Variants in SLC12A2 observed in about 807,000 individuals in gnomAD.
The protein encoded by SLC12A2 is Na-K-2Cl cotransporter 1.
In SLC12A2, 67 loss-of-function variants were observed where a neutral mutation model predicts 136.3. The ratio of observed to expected loss-of-function variants is 0.49; its 90% CI spans 0.40 to 0.60. The LOEUF is 0.60. SLC12A2 is among the 20% of genes least tolerant of loss of function. The probability of loss-of-function intolerance (pLI) is 0.00; values close to 1 mark genes in which losing one functional copy is unlikely to be tolerated. For missense variants in SLC12A2, 1,322 were observed against 1,534.7 expected (o/e 0.86, Z 2.32); for synonymous variants, 619 against 562.9 (o/e 1.10, Z -1.41).
Position 128,148,781 on chromosome 5 carries a change from G to T in SLC12A2, c.1909G>T (p.Ala637Ser), listed in dbSNP as rs776681442. 9 of 1,604,846 alleles carry T rather than the reference G, an allele frequency of 5.6e-6. No individual in the cohort carries two copies. The Admixed American group carries it at 8.6e-5, about 15-fold the overall frequency. ...TCTATGTAAGGACAACATCTACCCAGCTTTCCAGATGTTTGCTAAAGGTTA... is the reference window on the plus strand; with the variant it reads ...TCTATGTAAGGACAACATCTACCCATCTTTCCAGATGTTTGCTAAAGGTTA... ...QALCKDNIYP[A>S]FQMFAKGYGK... The change falls in exon 12 of 27, where the codon GCT (alanine) becomes TCT (serine). Residue 637 changes from alanine to serine, a missense_variant. By Grantham distance (99) the Ala-to-Ser change is moderately conservative. Coordinates refer to ENST00000262461, the MANE Select transcript of SLC12A2 (RefSeq NM_001046.3).
chr5:128,122,155 A>G (rs1010781843), intron 4 of SLC12A2, among the ~76,000 whole-genome samples: 2 of 152,240 alleles, frequency 1.3e-5, no homozygotes, highest in African/African-American at 4.8e-5. Context: ...AGTTAAAAGC[A>G]GAGGTCAGTA....
At chr5:128,136,855 T>C (rs1762207630) in intron 7 of SLC12A2, among the ~76,000 whole-genome samples, 1 of 152,154 alleles carries the variant, frequency 6.6e-6, no homozygotes, top group Non-Finnish European at 1.5e-5. Flanking sequence ...TTCCTGAATC[T>C]CTCCTTTAAA....
At position 128,147,751 on chromosome 5, in the gene SLC12A2, G is replaced by A. The variant is rs570373340; in HGVS notation, c.1881+22G>A. The A allele has an allele frequency of 6.4e-6, 9 of 1,404,148 alleles. No individual in the cohort carries two copies. The South Asian group carries it at 1.1e-4, about 17-fold the overall frequency. 87.0% of individuals were successfully genotyped at this position (1,404,148 alleles called of 1,614,324 possible). ...TCAGGTAAGTGTTTTTATATTACAG[G>A]CTTTATTAAAGGGAGAGTTAAAGTA... is the stretch of plus-strand genomic sequence containing the variant. On this transcript the variant is annotated intron_variant, in intron 11 of 26. Transcript: ENST00000262461.
chr5:128,147,865 A>T, intron 11 of SLC12A2, 136 bp downstream of exon 11: 1 of 482,912 alleles, frequency 2.1e-6, no homozygotes, highest in Non-Finnish European at 3.7e-6. Flanking sequence ...TATGCACATA[A>T]AGATATACAT....
rs1192313404 is a variant in SLC12A2, at chr5:128,083,927, C to T, written c.-28C>T. On this transcript the variant is annotated 5_prime_UTR_variant, in exon 1 of 27. Coordinates refer to ENST00000262461, the MANE Select transcript of SLC12A2 (RefSeq NM_001046.3). Reference sequence around the variant, plus strand: ...TGCTGCCGGAGACGTCCGCCGGGCTCTGCAGTTCCGCCGGGGGTCGGGCAG... The same window carrying T: ...TGCTGCCGGAGACGTCCGCCGGGCTTTGCAGTTCCGCCGGGGGTCGGGCAG... 8.2e-7 allele frequency: 1 copy of T among 1,224,338 alleles called. No homozygotes were observed. Among genetic ancestry groups the T allele is most frequent in the African/African-American group, 1.6e-5 (1 of 63,634 alleles). 75.8% of individuals were successfully genotyped at this position (1,224,338 alleles called of 1,614,324 possible). A position where few individuals can be genotyped will look rare whatever the true frequency, so the allele number is the denominator to read the frequency against.
chr5:128,089,207 C>T (rs1760217448), intron 1 of SLC12A2, among the ~76,000 whole-genome samples: 1 of 150,546 alleles, frequency 6.6e-6, no homozygotes, highest in Non-Finnish European at 1.5e-5. Context: ...CAAGAAATTG[C>T]TTAATAGCCA....
chr5:128,126,476 TC>T (rs1001106988), intron 4 of SLC12A2, among the ~76,000 whole-genome samples: 1 of 152,116 alleles, frequency 6.6e-6, no homozygotes, highest in Admixed American at 6.5e-5. Context: ...GTTTGGAAGT[TC>T]CTCAGAAAAC....
At chr5:128,125,928 A>G (rs564352835) in intron 4 of SLC12A2, among the ~76,000 whole-genome samples, 5 of 152,182 alleles carry the variant, frequency 3.3e-5, no homozygotes, top group Admixed American at 6.5e-5. Context: ...TGAAACAGCT[A>G]TCTGTTTCTT....
Position 128,138,917 on chromosome 5 carries a change from T to C in SLC12A2, c.1621+9T>C. 1 of 1,573,438 alleles carries C rather than the reference T, an allele frequency of 6.4e-7. No homozygotes were observed. On this transcript the variant is annotated intron_variant, in intron 9 of 26. Coordinates refer to ENST00000262461, the MANE Select transcript of SLC12A2 (RefSeq NM_001046.3). ...AATTGCAGTATCTGTAGGTAAATAG[T>C]TTCACATTTCTTTATGTGTCGCAGA...
intron 19 of SLC12A2, 94 bp from the exon 20 acceptor site, chr5:128,174,443 CTTAT>C (rs1398287482): frequency 1.1e-6 from 1 of 884,856 alleles, no homozygotes; most frequent in African/African-American, 1.8e-5. Context: ...TTATAATAAA[CTTAT>C]TTTTTCATAA....
chr5:128,163,345 A>G (rs1763103502), intron 17 of SLC12A2, among the ~76,000 whole-genome samples: 1 of 152,144 alleles, frequency 6.6e-6, no homozygotes, highest in Non-Finnish European at 1.5e-5. Flanking sequence ...CCTGGCCAAC[A>G]TGGTGAAACC....
intron 1 of SLC12A2, among the ~76,000 whole-genome samples, chr5:128,102,595 C>CTTTTT: frequency 1.3e-4 from 3 of 23,564 alleles, no homozygotes; most frequent in Admixed American, 3.5e-4. Context: ...CCCCCCCCCG[C>CTTTTT]CTTTTTTTTT....
chr5:128,135,647 C>T, intron 6 of SLC12A2, 53 bp from the exon 7 acceptor site: 1 of 1,157,310 alleles, frequency 8.6e-7, no homozygotes, highest in South Asian at 1.3e-5. Context: ...GGAATTGAAT[C>T]AAGATATAGA....
At chr5:128,161,253 T>C (rs891504211) in intron 16 of SLC12A2, among the ~76,000 whole-genome samples, 19 of 152,216 alleles carry the variant, frequency 1.2e-4, no homozygotes, top group African/African-American at 3.9e-4. Context: ...TTCAGTGATA[T>C]TCTCAAGTTA....
intron 15 of SLC12A2, 41 bp downstream of exon 15, chr5:128,152,846 G>A (rs761131594): frequency 1.2e-5 from 14 of 1,171,206 alleles, no homozygotes; most frequent in Non-Finnish European, 1.7e-5. Context: ...TTTTCTCTTT[G>A]CTGGCCAGTC....
At chr5:128,124,576 A>G (rs1469301318) in intron 4 of SLC12A2, among the ~76,000 whole-genome samples, 1 of 152,230 alleles carries the variant, frequency 6.6e-6, no homozygotes, top group Non-Finnish European at 1.5e-5. Flanking sequence ...TGAGTAAAGG[A>G]TGGTATGGGA....
intron 15 of SLC12A2, among the ~76,000 whole-genome samples, chr5:128,156,147 G>A (rs1202851395): frequency 6.6e-6 from 1 of 152,048 alleles, no homozygotes. Context: ...TTAACACACT[G>A]TTCCTGCCAC....
chr5:128,185,316 A>G (rs997944414), intron 26 of SLC12A2, among the ~76,000 whole-genome samples: 2 of 152,190 alleles, frequency 1.3e-5, no homozygotes, highest in Non-Finnish European at 2.9e-5. Context: ...CAAATTTTAC[A>G]TACAGACACA....
chr5:128,090,782 C>T (rs1312836994), intron 1 of SLC12A2, among the ~76,000 whole-genome samples: 1 of 152,094 alleles, frequency 6.6e-6, no homozygotes, highest in Non-Finnish European at 1.5e-5. Context: ...TACCAAGACC[C>T]TGAGATGGGA....
Sources: allele counts gnomAD v4.1 joint callset (sites outside exome capture counted in the v4.1 genomes callset), GRCh38; gene constraint gnomAD v4.1.1; transcripts MANE v1.5; gene names NCBI Gene and HGNC (gene_info 2026-07-23, HGNC 2026-07-21).